Variants in FRMD6 observed in about 807,000 individuals in gnomAD.
The protein encoded by FRMD6 is FERM domain-containing protein 6.
Under a neutral mutation model 73.2 loss-of-function variants are expected in FRMD6, and 37 were observed. The observed-to-expected ratio is 0.51, with a 90% CI of 0.39 to 0.66. The LOEUF (loss-of-function observed/expected upper bound fraction) is 0.66. FRMD6 is among the 30% of genes least tolerant of loss of function. FRMD6 has a pLI of 0.00. For synonymous variants in FRMD6, 273 were observed against 282.2 expected (o/e 0.97, Z 0.33); for missense variants, 714 against 780.5 (o/e 0.91, Z 1.02).
At chr14:51,705,713 CCA>C (rs879691364) in intron 6 of FRMD6, among the ~76,000 whole-genome samples, 3 of 152,110 alleles carry the variant, frequency 2.0e-5, no homozygotes, top group Admixed American at 6.6e-5. Flanking sequence ...GTTCCTCAAG[CCA>C]TTTCCATCTG....
intron 2 of FRMD6, among the ~76,000 whole-genome samples, chr14:51,610,931 G>T (rs1304922261): frequency 6.6e-6 from 1 of 152,198 alleles, no homozygotes; most frequent in Non-Finnish European, 1.5e-5. Context: ...GCATTGTGTA[G>T]ACAGAGGCAG....
intron 2 of FRMD6, among the ~76,000 whole-genome samples, chr14:51,587,323 G>A (rs1263847928): frequency 6.6e-6 from 1 of 152,146 alleles, no homozygotes; most frequent in Non-Finnish European, 1.5e-5. Context: ...AAATACAGAT[G>A]AGGTAGCAGT....
chr14:51,577,919 T>C (rs1888494661), intron 2 of FRMD6, among the ~76,000 whole-genome samples: 1 of 152,212 alleles, frequency 6.6e-6, no homozygotes, highest in African/African-American at 2.4e-5. Context: ...GATCTTTCGT[T>C]GCCTCAATTT....
intron 1 of FRMD6, among the ~76,000 whole-genome samples, chr14:51,507,920 T>C (rs1884065530): frequency 6.6e-6 from 1 of 152,200 alleles, no homozygotes; most frequent in African/African-American, 2.4e-5. Context: ...TTCTTGGTGC[T>C]GGAGAACAGG....
At chr14:51,443,063 C>A in the FRMD6 span, among the ~76,000 whole-genome samples, 20 of 152,282 alleles carry the variant, frequency 1.3e-4, no homozygotes, top group East Asian at 3.7e-3. Flanking sequence ...AAAAACCCTG[C>A]AGGATTTTAA....
chr14:51,706,016 C>T (rs1216328780), intron 6 of FRMD6, among the ~76,000 whole-genome samples: 1 of 151,982 alleles, frequency 6.6e-6, no homozygotes, highest in African/African-American at 2.4e-5. Context: ...AGCTGTTTAC[C>T]CATAGGCCGT....
intron 2 of FRMD6, 138 bp downstream of exon 2, chr14:51,690,073 T>G (rs1450861914): frequency 4.4e-6 from 3 of 680,212 alleles, no homozygotes; most frequent in Non-Finnish European, 8.1e-6. Context: ...TGTCAAATAG[T>G]CCATACATAC....
intron 1 of FRMD6, among the ~76,000 whole-genome samples, chr14:51,503,920 G>T (rs1184566236): frequency 6.6e-6 from 1 of 151,828 alleles, no homozygotes; most frequent in African/African-American, 2.4e-5. Flanking sequence ...ATCATTATTG[G>T]TCTATTCAGG....
chr14:51,436,383 G>C, the FRMD6 span: 1 of 450,466 alleles, frequency 2.2e-6, no homozygotes, highest in Non-Finnish European at 4.2e-6. Context: ...CGAAGAGGCA[G>C]TGCATTACTT....
In FRMD6 at chr14:51,704,570, A is replaced by G. The variant is rs74853822; in HGVS notation, c.372-179A>G. 0.05 allele frequency: 27,837 copies of G among 555,964 alleles called. 1,923 individuals are homozygous for G. The highest frequency in any genetic ancestry group is 0.29 in the East Asian group (10,153 of 35,510). 34.4% of individuals were successfully genotyped at this position (555,964 alleles called of 1,614,324 possible). ...TGATTTGGGGTTCTGACCCCCTGCA[A>G]CCTCAGTGAGGCAGCTATCAGATAT... On this transcript the variant is annotated intron_variant, in intron 5 of 13. Coordinates refer to ENST00000344768, the MANE Select transcript of FRMD6 (RefSeq NM_001267046.2).
chr14:51,402,412 T>C, the FRMD6 span, among the ~76,000 whole-genome samples: 2 of 152,240 alleles, frequency 1.3e-5, no homozygotes, highest in South Asian at 4.2e-4. Flanking sequence ...GTCTTTCCCT[T>C]GCTGTTCTCA....
At chr14:51,398,829 T>C in the FRMD6 span, among the ~76,000 whole-genome samples, 1 of 152,142 alleles carries the variant, frequency 6.6e-6, no homozygotes, top group Non-Finnish European at 1.5e-5. Context: ...CGACTCCAAA[T>C]TATCCTATCC....
At chr14:51,645,127 C>T in intron 2 of FRMD6, among the ~76,000 whole-genome samples, 1 of 152,206 alleles carries the variant, frequency 6.6e-6, no homozygotes, top group East Asian at 1.9e-4. Context: ...CTAACCACTA[C>T]CTTGCCTGTA....
chr14:51,611,258 G>A (rs1890484905), intron 2 of FRMD6, among the ~76,000 whole-genome samples: 1 of 152,140 alleles, frequency 6.6e-6, no homozygotes, highest in Admixed American at 6.5e-5. Context: ...GTATTATGGG[G>A]TCTTATTTTA....
At chr14:51,511,310 G>A (rs1005781961) in intron 1 of FRMD6, among the ~76,000 whole-genome samples, 2 of 152,216 alleles carry the variant, frequency 1.3e-5, no homozygotes, top group African/African-American at 4.8e-5. Context: ...TGGTATCATA[G>A]AGGCCAGTGG....
At chr14:51,594,281 C>A (rs374110491) in intron 2 of FRMD6, among the ~76,000 whole-genome samples, 1 of 150,816 alleles carries the variant, frequency 6.6e-6, no homozygotes, top group African/African-American at 2.5e-5. Context: ...TGCACCACCA[C>A]GCCCAGCTAA....
At chr14:51,677,745 A>C (rs377362349) in intron 1 of FRMD6, among the ~76,000 whole-genome samples, 39 of 152,160 alleles carry the variant, frequency 2.6e-4, no homozygotes, top group African/African-American at 7.5e-4. Context: ...AGGGGAAGTT[A>C]ACACACCGCC....
At chr14:51,694,181 T>C (rs571375304) in intron 2 of FRMD6, among the ~76,000 whole-genome samples, 1 of 152,320 alleles carries the variant, frequency 6.6e-6, no homozygotes, top group East Asian at 1.9e-4. Flanking sequence ...TTAAATGATT[T>C]TAATCATCAG....
intron 1 of FRMD6, among the ~76,000 whole-genome samples, chr14:51,510,545 A>G (rs6572764): frequency 0.54 from 82,372 of 152,076 alleles, 23,077 homozygotes; most frequent in African/African-American, 0.68. Flanking sequence ...GACTTCACTT[A>G]TAGATGTTTC....
Sources: allele counts gnomAD v4.1 joint callset (sites outside exome capture counted in the v4.1 genomes callset), GRCh38; gene constraint gnomAD v4.1.1; transcripts MANE v1.5; gene names NCBI Gene and HGNC (gene_info 2026-07-23, HGNC 2026-07-21).